Variants in KCNH1 observed in about 807,000 individuals in gnomAD.
The protein encoded by KCNH1 is potassium voltage-gated channel subfamily H member 1, also known as voltage-gated delayed rectifier potassium channel KCNH1.
A neutral mutation model predicts 69.2 loss-of-function variants in KCNH1; 27 were observed. That is an observed-to-expected ratio of 0.39 (90% confidence interval 0.29 to 0.54). The LOEUF is 0.54. Among genes scored for constraint, KCNH1 ranks in the 20% least tolerant of loss-of-function variants. The pLI is 0.68. For missense variants in KCNH1, 798 were observed against 1,261.6 expected (o/e 0.63, Z 5.57); for synonymous variants, 456 against 487.7 (o/e 0.93, Z 0.86).
chr1:210,908,116 G>C (rs932957507), intron 7 of KCNH1, among the ~76,000 whole-genome samples: 1 of 152,178 alleles, frequency 6.6e-6, no homozygotes, highest in South Asian at 2.1e-4. Context: ...ATGAGTGCAA[G>C]GTTCTTCTTA....
At chr1:211,132,827 C>A (rs3828021) in intron 1 of KCNH1, 35,406 of 152,064 alleles carry the variant, frequency 0.23, 5,201 homozygotes, top group African/African-American at 0.42. Flanking sequence ...CTGCAAAGAG[C>A]ATCTTATGCT....
intron 5 of KCNH1, among the ~76,000 whole-genome samples, chr1:211,066,883 T>C (rs1690540199): frequency 6.6e-6 from 1 of 152,210 alleles, no homozygotes; most frequent in Non-Finnish European, 1.5e-5. Flanking sequence ...TATAATGAGA[T>C]GGTATCATGA....
Position 210,978,079 on chromosome 1 carries a change from C to T in KCNH1, c.1032+40704G>A, listed in dbSNP as rs569157934. On this transcript the variant is annotated intron_variant, in intron 6 of 10. Transcript: ENST00000271751. ...TTTTTAGATGGAGTCTCGCTCTGTG[C>T]CTAGGCTGGAGTACAGTGGTGCGAT... is the stretch of plus-strand genomic sequence containing the variant. 8.6e-5 allele frequency among the ~76,000 whole-genome samples: 13 copies of T among 150,496 alleles called. No homozygotes were observed. The South Asian group carries it at 2.3e-3, about 27-fold the overall frequency.
At chr1:210,921,192 C>T (rs539984502) in intron 6 of KCNH1, among the ~76,000 whole-genome samples, 31 of 152,302 alleles carry the variant, frequency 2.0e-4, no homozygotes, top group African/African-American at 7.2e-4. Flanking sequence ...GCAGAAGCCA[C>T]ATCATTTAAA....
intron 4 of KCNH1, among the ~76,000 whole-genome samples, chr1:211,087,903 G>C (rs1309879910): frequency 6.6e-6 from 1 of 152,174 alleles, no homozygotes; most frequent in Non-Finnish European, 1.5e-5. Context: ...CTGAGGCTCC[G>C]GGTAGAAGAG....
chr1:210,909,589 T>C lies in KCNH1; in HGVS notation c.1462+10051A>G, dbSNP rs138972073. ...CAGGACTTAAGTACCTTCCTGACTA[T>C]TAAGTAGTGCAGACAAGATCCATAC... On this transcript the variant is annotated intron_variant, in intron 7 of 10. Transcript: ENST00000271751. Among the ~76,000 whole-genome samples, 607 of 152,350 alleles carry C rather than the reference T, an allele frequency of 4.0e-3. 4 individuals carry two copies. The highest frequency in any genetic ancestry group is 0.014 in the African/African-American group (582 of 41,576).
chr1:210,702,509 A>T (rs555150868), intron 10 of KCNH1, among the ~76,000 whole-genome samples: 2 of 152,162 alleles, frequency 1.3e-5, no homozygotes, highest in Admixed American at 6.5e-5. Context: ...AAAACTCAAA[A>T]GCTCTTTGCT....
At chr1:210,915,840 C>T (rs1687323102) in intron 7 of KCNH1, among the ~76,000 whole-genome samples, 1 of 152,102 alleles carries the variant, frequency 6.6e-6, no homozygotes, top group Admixed American at 6.5e-5. Flanking sequence ...TCACAGAAAG[C>T]TCGGATAATC....
intron 10 of KCNH1, among the ~76,000 whole-genome samples, chr1:210,750,956 C>T (rs1683270435): frequency 6.6e-6 from 1 of 152,172 alleles, no homozygotes; most frequent in South Asian, 2.1e-4. Flanking sequence ...AGTTCTGGCA[C>T]CTAGTCCAGG....
intron 6 of KCNH1, among the ~76,000 whole-genome samples, chr1:210,958,548 A>G (rs942455335): frequency 6.6e-6 from 1 of 152,210 alleles, no homozygotes; most frequent in Admixed American, 6.5e-5. Context: ...AGGTACACCA[A>G]TCAAACGTAG....
intron 10 of KCNH1, among the ~76,000 whole-genome samples, chr1:210,708,807 G>A (rs1262492256): frequency 6.6e-6 from 1 of 152,158 alleles, no homozygotes; most frequent in Non-Finnish European, 1.5e-5. Flanking sequence ...GAAAGTCTCT[G>A]TTGGGTTACT....
rs568500483 is a variant in KCNH1 at position 211,099,769 on chromosome 1, T to A, written c.310+3727A>T. On this transcript the variant is annotated intron_variant, in intron 3 of 10. Coordinates refer to ENST00000271751, the MANE Select transcript of KCNH1 (RefSeq NM_172362.3). ...GTTTTACTTCAGGTTAAATGATGAG[T>A]TCCTGACTGGAACGCAGGGCTTCCT... Among the ~76,000 whole-genome samples the A allele has an allele frequency of 1.6e-4, 24 of 152,068 alleles. 1 individual carries two copies. Among genetic ancestry groups the A allele is most frequent in the Non-Finnish European group, 3.4e-4 (23 of 68,016 alleles).
At chr1:210,882,943 C>T (rs531704039) in intron 7 of KCNH1, among the ~76,000 whole-genome samples, 5 of 152,214 alleles carry the variant, frequency 3.3e-5, no homozygotes, top group African/African-American at 9.6e-5. Context: ...AACATAAAAA[C>T]TGTGAAAAAG....
chr1:211,107,542 T>G (rs1395444293), intron 1 of KCNH1, among the ~76,000 whole-genome samples, 165 bp from the exon 2 acceptor site: 1 of 152,182 alleles, frequency 6.6e-6, no homozygotes, highest in Non-Finnish European at 1.5e-5. Flanking sequence ...AAAACAACAT[T>G]GTTTTAGAAG....
intron 7 of KCNH1, among the ~76,000 whole-genome samples, chr1:210,849,720 A>G (rs1266860594): frequency 6.6e-6 from 1 of 152,080 alleles, no homozygotes; most frequent in Middle Eastern, 3.2e-3. Context: ...TATGTAAAAC[A>G]AAGAATAGCT....
At chr1:210,709,722 A>G (rs1379508441) in intron 10 of KCNH1, among the ~76,000 whole-genome samples, 3 of 99,972 alleles carry the variant, frequency 3.0e-5, no homozygotes, top group Admixed American at 1.0e-4. Flanking sequence ...AGAAAGAAAG[A>G]AGAGAGAGAG....
rs565842661 is a variant in KCNH1, at chr1:210,690,885, A to G, written c.2113-6747T>C. ...CCAGGCTCGGGAGATACAGCAGTAA[A>G]CTCACAGTGTAAGCACAAAGTGCTA... On this transcript the variant is annotated intron_variant, in intron 10 of 10. Transcript: ENST00000271751. 3.9e-5 allele frequency among the ~76,000 whole-genome samples: 6 copies of G among 152,040 alleles called. No homozygotes were observed. In the South Asian group the frequency reaches 1.3e-3, roughly 32 times the overall value.
intron 7 of KCNH1, among the ~76,000 whole-genome samples, chr1:210,905,809 C>T (rs1267993245): frequency 6.6e-6 from 1 of 152,052 alleles, no homozygotes; most frequent in Non-Finnish European, 1.5e-5. Flanking sequence ...GAAAATTGAT[C>T]CACTTTTCTG....
intron 7 of KCNH1, among the ~76,000 whole-genome samples, chr1:210,854,570 C>T (rs1228277036): frequency 6.6e-6 from 1 of 152,120 alleles, no homozygotes; most frequent in Non-Finnish European, 1.5e-5. Context: ...GGTCTGGAGA[C>T]CAGGATGGCA....
Sources: gnomAD v4.1 joint callset for allele counts (sites outside exome capture counted in the v4.1 genomes callset) on GRCh38, gnomAD v4.1.1 for gene constraint, MANE v1.5 for transcripts, NCBI Gene and HGNC (gene_info 2026-07-23, HGNC 2026-07-21) for gene names.